PTPRE: variants seen among roughly 807,000 people sequenced by gnomAD.
PTPRE encodes the protein receptor-type tyrosine-protein phosphatase epsilon.
A neutral mutation model predicts 102.0 loss-of-function variants in PTPRE; 51 were observed. That is an observed-to-expected ratio of 0.50 (90% confidence interval 0.40 to 0.63). PTPRE has a LOEUF of 0.63. PTPRE is among the 30% of genes least tolerant of loss of function. The pLI is 0.00. For missense variants in PTPRE, 752 were observed against 915.1 expected (o/e 0.82, Z 2.30); for synonymous variants, 345 against 348.2 (o/e 0.99, Z 0.10).
chr10:127,931,861 A>AT (rs1252969290), intron 1 of PTPRE, among the ~76,000 whole-genome samples: 1 of 151,934 alleles, frequency 6.6e-6, no homozygotes, highest in African/African-American at 2.4e-5. Flanking sequence ...CTTAATCTCC[A>AT]TTTTTTTCAT....
At chr10:128,046,192 G>C (rs1044324487) in intron 3 of PTPRE, among the ~76,000 whole-genome samples, 4 of 152,194 alleles carry the variant, frequency 2.6e-5, no homozygotes, top group African/African-American at 9.6e-5. Flanking sequence ...ACCTTCCCTG[G>C]GGAGTTTATA....
chr10:127,997,966 G>A (rs892471262), intron 2 of PTPRE, among the ~76,000 whole-genome samples: 6 of 152,182 alleles, frequency 3.9e-5, no homozygotes, highest in Admixed American at 6.5e-5. Flanking sequence ...CTAAGAGTTC[G>A]ATTCACTAAG....
At chr10:127,983,719 C>G (rs1349266651) in intron 2 of PTPRE, among the ~76,000 whole-genome samples, 1 of 152,156 alleles carries the variant, frequency 6.6e-6, no homozygotes, top group Non-Finnish European at 1.5e-5. Context: ...GTGACCTTTG[C>G]ACCCCTTGTC....
chr10:127,932,868 C>T (rs545076906), intron 1 of PTPRE, among the ~76,000 whole-genome samples: 1 of 152,344 alleles, frequency 6.6e-6, no homozygotes, highest in Admixed American at 6.5e-5. Context: ...TGGCAGAATG[C>T]AGTTCCTTGA....
At position 128,068,188 on chromosome 10, in the gene PTPRE, C is replaced by A; in HGVS notation, c.909C>A (p.Asp303Glu). 1 of 1,614,186 alleles carries A rather than the reference C, an allele frequency of 6.2e-7. No individual in the cohort carries two copies. The highest frequency in any genetic ancestry group is 8.5e-7 in the Non-Finnish European group (1 of 1,180,000). Reference protein sequence around the residue: ...VSQLHFTSWPDFGVPFTPIGM... With the variant: ...VSQLHFTSWPEFGVPFTPIGM... ...AGCTGCACTTCACCAGCTGGCCCGA[C>A]TTCGGAGTGCCTTTTACCCCCATTG... Residue 303 changes from aspartate (D) to glutamate (E), a missense_variant, in exon 12 of 21, where the codon GAC (aspartate) becomes GAA (glutamate). Physicochemically the swap from Asp to Glu is conservative, Grantham distance 45. Transcript: ENST00000254667.
intron 2 of PTPRE, among the ~76,000 whole-genome samples, chr10:127,991,978 C>A (rs887449267): frequency 6.6e-6 from 1 of 152,156 alleles, no homozygotes; most frequent in African/African-American, 2.4e-5. Context: ...TGAGTCCCTC[C>A]TGCCTGTCCT....
chr10:128,027,718 G>A (rs1389413288), intron 2 of PTPRE, among the ~76,000 whole-genome samples: 3 of 152,178 alleles, frequency 2.0e-5, no homozygotes, highest in Non-Finnish European at 4.4e-5. Flanking sequence ...TGAATGGATG[G>A]GCCTTGAAGA....
At chr10:127,932,859 G>A (rs1847548734) in intron 1 of PTPRE, among the ~76,000 whole-genome samples, 1 of 152,206 alleles carries the variant, frequency 6.6e-6, no homozygotes, top group African/African-American at 2.4e-5. Flanking sequence ...TTCAGGTATT[G>A]GCAGAATGCA....
At chr10:128,032,455 C>G (rs923253594) in intron 2 of PTPRE, among the ~76,000 whole-genome samples, 1 of 152,174 alleles carries the variant, frequency 6.6e-6, no homozygotes, top group African/African-American at 2.4e-5. Context: ...AACAGGCTCT[C>G]TTTAATCATG....
intron 1 of PTPRE, among the ~76,000 whole-genome samples, chr10:127,954,801 G>A (rs1849280405): frequency 6.6e-6 from 1 of 152,020 alleles, no homozygotes. Context: ...AATGGAAATG[G>A]CACTACTCAC....
rs138208569 is a variant in PTPRE, at chr10:127,970,426, C to G, written c.-30-11848C>G. ...AATGTCCTCCCACCCTCTACCCACC[C>G]CAGGACTGGATTCCTGTCCTGTAAG... On this transcript the variant is annotated intron_variant, in intron 1 of 20. Transcript: ENST00000254667. 5.2e-3 allele frequency among the ~76,000 whole-genome samples: 791 copies of G among 152,230 alleles called. 6 individuals carry two copies. Among genetic ancestry groups the G allele is most frequent in the African/African-American group, 0.018 (754 of 41,544 alleles).
chr10:127,983,254 T>A (rs1851790679), intron 2 of PTPRE, among the ~76,000 whole-genome samples: 1 of 152,238 alleles, frequency 6.6e-6, no homozygotes, highest in African/African-American at 2.4e-5. Flanking sequence ...GTTTCTTTCT[T>A]TCTTGATAAG....
rs751717510 is a variant in PTPRE, at chr10:128,079,600, A to G, written c.1933A>G (p.Asn645Asp). 6.2e-7 allele frequency: 1 copy of G among 1,614,210 alleles called. No individual in the cohort carries two copies. The highest frequency in any genetic ancestry group is 8.5e-7 in the Non-Finnish European group (1 of 1,180,046). The change falls in exon 20 of 21, where the codon AAC becomes GAC. Residue 645 changes from asparagine (N) to aspartate (D), a missense_variant. Asn to Asp is a conservative substitution (Grantham distance 23). Coordinates refer to ENST00000254667, the MANE Select transcript of PTPRE (RefSeq NM_006504.6). ...GRTGTFIALS[N>D]ILERVKAEGL... ...AACAGGTACATTCATAGCCCTCAGC[A>G]ACATTTTGGAGCGAGTAAAAGCCGA...
At chr10:128,015,913 G>A (rs917925869) in intron 2 of PTPRE, among the ~76,000 whole-genome samples, 1 of 152,218 alleles carries the variant, frequency 6.6e-6, no homozygotes, top group African/African-American at 2.4e-5. Flanking sequence ...CGGTGCCCAT[G>A]AGAAAGCGGA....
rs146438862 is a variant in PTPRE, at chr10:128,051,262, C to T, written c.420+1596C>T. 1.7e-4 allele frequency among the ~76,000 whole-genome samples: 26 copies of T among 152,286 alleles called. No individual in the cohort carries two copies. The East Asian group carries it at 1.9e-3, about 11-fold the overall frequency. Reference sequence around the variant, plus strand: ...GGGGGCCACTCCCAGGGAGGGAGTCCAGGAATAGGGTGGGGCAGGTGAGAC... The same window carrying T: ...GGGGGCCACTCCCAGGGAGGGAGTCTAGGAATAGGGTGGGGCAGGTGAGAC... On this transcript the variant is annotated intron_variant, in intron 6 of 20. Coordinates refer to ENST00000254667, the MANE Select transcript of PTPRE (RefSeq NM_006504.6).
intron 1 of PTPRE, among the ~76,000 whole-genome samples, chr10:127,962,194 G>T (rs1436769705): frequency 6.6e-6 from 1 of 152,212 alleles, no homozygotes; most frequent in East Asian, 1.9e-4. Context: ...TGAGGAAGAG[G>T]CTGCAGAGGT....
At chr10:128,018,009 C>T (rs1295597670) in intron 2 of PTPRE, among the ~76,000 whole-genome samples, 1 of 152,196 alleles carries the variant, frequency 6.6e-6, no homozygotes, top group Non-Finnish European at 1.5e-5. Flanking sequence ...GGCTGTGACA[C>T]AGGAGGGTCT....
At chr10:128,064,671 T>G (rs1849904218) in intron 10 of PTPRE, among the ~76,000 whole-genome samples, 1 of 152,224 alleles carries the variant, frequency 6.6e-6, no homozygotes, top group South Asian at 2.1e-4. Context: ...GTCACTGGCA[T>G]TTTCTCTCCA....
chr10:128,082,101 T>G (rs1388073773), intron 20 of PTPRE, among the ~76,000 whole-genome samples: 1 of 151,896 alleles, frequency 6.6e-6, no homozygotes, highest in Non-Finnish European at 1.5e-5. Flanking sequence ...AAATGTAGGC[T>G]TTAAAATAAT....
Sources: allele counts gnomAD v4.1 joint callset (sites outside exome capture counted in the v4.1 genomes callset), GRCh38; gene constraint gnomAD v4.1.1; transcripts MANE v1.5; gene names NCBI Gene and HGNC (gene_info 2026-07-23, HGNC 2026-07-21).